Variants in SPATS2L observed in about 807,000 individuals in gnomAD.
SPATS2L encodes the protein spermatogenesis associated serine rich 2 like, also known as SPATS2-like protein.
In SPATS2L, 30 loss-of-function variants were observed where a neutral mutation model predicts 59.6. The ratio of observed to expected loss-of-function variants is 0.50; its 90% CI spans 0.38 to 0.68. The LOEUF is 0.68. SPATS2L is among the 30% of genes least tolerant of loss of function. The probability of loss-of-function intolerance (pLI) is 0.00; values close to 1 mark genes in which losing one functional copy is unlikely to be tolerated. For missense variants in SPATS2L, 615 were observed against 700.0 expected (o/e 0.88, Z 1.37); for synonymous variants, 252 against 263.5 (o/e 0.96, Z 0.42).
rs536699198 is a variant in SPATS2L at position 200,335,602 on chromosome 2, G to C, written c.-23+6122G>C. ...ATAAAGTAACTATCTCTTTGGCCTG[G>C]CTTAGTTCACACCTTGTGTTCACAC... On this transcript the variant is annotated intron_variant, in intron 2 of 12. Transcript: ENST00000409140. 1.5e-4 allele frequency among the ~76,000 whole-genome samples: 23 copies of C among 152,234 alleles called. 2 individuals carry two copies. The South Asian group carries it at 2.5e-3, about 16-fold the overall frequency.
intron 6 of SPATS2L, among the ~76,000 whole-genome samples, chr2:200,419,788 G>A (rs1283375351): frequency 6.7e-6 from 1 of 149,730 alleles, no homozygotes; most frequent in Non-Finnish European, 1.5e-5. Context: ...GCTCACTGCA[G>A]CTGCAGTCTT....
rs1357567058 is a variant in SPATS2L at position 200,477,709 on chromosome 2, C to T, written c.1355C>T (p.Ser452Leu). ...AACAGGCTAAATGGGCCTGCCAAGT[C>T]GCAGGGCAGTGGGAATGAAGCCGAG... ...HNNRLNGPAKSQGSGNEAEPL... is the reference protein window; with the variant it reads ...HNNRLNGPAKLQGSGNEAEPL... Residue 452 changes from serine (S) to leucine (L), a missense_variant, in exon 13 of 13, where the codon TCG becomes TTG. Physicochemically the swap from Ser to Leu is moderately radical, Grantham distance 145 (BLOSUM62 -2). Transcript: ENST00000409140. 4 of 1,564,678 alleles carry T rather than the reference C, an allele frequency of 2.6e-6. No individual in the cohort carries two copies. The highest frequency in any genetic ancestry group is 1.9e-5 in the Admixed American group (1 of 52,444).
chr2:200,352,943 C>G (rs2080791819), intron 2 of SPATS2L, among the ~76,000 whole-genome samples: 1 of 152,124 alleles, frequency 6.6e-6, no homozygotes, highest in Non-Finnish European at 1.5e-5. Flanking sequence ...TTCTCAAAGC[C>G]ACATTCCAAT....
At chr2:200,411,969 A>G (rs1316932267) in intron 3 of SPATS2L, among the ~76,000 whole-genome samples, 1 of 152,112 alleles carries the variant, frequency 6.6e-6, no homozygotes, top group Non-Finnish European at 1.5e-5. Context: ...CTGAGACAGA[A>G]AAAGACTTGG....
chr2:200,359,360 A>G (rs2081024084), intron 2 of SPATS2L, among the ~76,000 whole-genome samples: 1 of 152,094 alleles, frequency 6.6e-6, no homozygotes, highest in Non-Finnish European at 1.5e-5. Context: ...TTTTCCATCC[A>G]GCTTGCACCC....
intron 11 of SPATS2L, 98 bp from the exon 12 acceptor site, chr2:200,472,734 C>T (rs1332828347): frequency 2.9e-6 from 3 of 1,040,448 alleles, no homozygotes; most frequent in Non-Finnish European, 4.3e-6. Context: ...TTGTGGAGCT[C>T]CTGGCCAGTT....
At chr2:200,425,493 C>T (rs577429900) in intron 6 of SPATS2L, among the ~76,000 whole-genome samples, 51 of 152,290 alleles carry the variant, frequency 3.3e-4, no homozygotes, top group African/African-American at 1.2e-3. Context: ...GGCCTCATCA[C>T]TTATGAGGTG....
chr2:200,356,659 A>G (rs2080926170), intron 2 of SPATS2L, among the ~76,000 whole-genome samples: 1 of 152,258 alleles, frequency 6.6e-6, no homozygotes, highest in African/African-American at 2.4e-5. Context: ...AATAGGAAAT[A>G]AAAATCTGAG....
Position 200,439,139 on chromosome 2 carries a change from C to T in SPATS2L, c.463C>T (p.Gln155Ter). Reference protein sequence around the residue: ...RGVTEGNRLLQQKLSLDGNPK... With the variant: ...RGVTEGNRLL The stretch of plus-strand genomic sequence containing the variant: ...TCTTACAGAAGGCAACAGACTACTG[C>T]AACAGAAACTATCCTTAGATGGGAA... Residue 155 changes from glutamine to a stop codon, truncating the protein, a stop_gained, in exon 7 of 13, where the codon CAA becomes TAA. Coordinates refer to ENST00000409140, the MANE Select transcript of SPATS2L (RefSeq NM_001100423.2). LOFTEE classifies it high-confidence loss of function. The T allele has an allele frequency of 6.2e-7, 1 of 1,613,514 alleles. No individual in the cohort carries two copies. Among genetic ancestry groups the T allele is most frequent in the Non-Finnish European group, 8.5e-7 (1 of 1,179,564 alleles).
chr2:200,477,747 G>A lies in SPATS2L; in HGVS notation c.1393G>A (p.Gly465Ser). The A allele has an allele frequency of 6.3e-7, 1 of 1,578,352 alleles. No individual in the cohort carries two copies. Among genetic ancestry groups the A allele is most frequent in the Non-Finnish European group, 8.6e-7 (1 of 1,162,210 alleles). ...GAATGAAGCCGAGCCACTGGGAAAG[G>A]GCAACAGCCGCCACGAACACAGAAG... ...SGNEAEPLGK[G>S]NSRHEHRRQP... is the part of the protein sequence containing the mutation. The change falls in exon 13 of 13, where the codon GGC (glycine) becomes AGC (serine). Residue 465 changes from glycine (G) to serine (S), a missense_variant. Gly to Ser is a moderately conservative substitution (Grantham distance 56, BLOSUM62 0). Around this residue, in one of 3 missense-constraint regions of SPATS2L, gnomAD observed 284 missense variants for 280.1 expected, o/e 1.01. Coordinates refer to ENST00000409140, the MANE Select transcript of SPATS2L (RefSeq NM_001100423.2).
chr2:200,401,022 A>G (rs1401662613), intron 3 of SPATS2L, among the ~76,000 whole-genome samples: 2 of 152,196 alleles, frequency 1.3e-5, no homozygotes, highest in Non-Finnish European at 2.9e-5. Flanking sequence ...GTTGATCAGT[A>G]TAGTAGGAAG....
At chr2:200,391,861 C>A (rs867193757) in intron 3 of SPATS2L, among the ~76,000 whole-genome samples, 1 of 152,076 alleles carries the variant, frequency 6.6e-6, no homozygotes, top group Admixed American at 6.5e-5. Context: ...AAAATGACCC[C>A]AAGACACAGA....
At chr2:200,395,094 A>G (rs142779762) in intron 3 of SPATS2L, among the ~76,000 whole-genome samples, 1 of 152,188 alleles carries the variant, frequency 6.6e-6, no homozygotes, top group East Asian at 1.9e-4. Flanking sequence ...AAATTTATAG[A>G]TGATTTCAGT....
At chr2:200,412,126 G>C (rs2082896518) in intron 3 of SPATS2L, among the ~76,000 whole-genome samples, 185 bp from the exon 4 acceptor site, 1 of 152,138 alleles carries the variant, frequency 6.6e-6, no homozygotes, top group Non-Finnish European at 1.5e-5. Flanking sequence ...TGGGTGTCAA[G>C]GTGATTACCA....
At chr2:200,309,992 T>A (rs2079143201) in intron 1 of SPATS2L, among the ~76,000 whole-genome samples, 1 of 152,236 alleles carries the variant, frequency 6.6e-6, no homozygotes, top group South Asian at 2.1e-4. Flanking sequence ...ACAACTTATG[T>A]AATTTTTTAT....
intron 12 of SPATS2L, among the ~76,000 whole-genome samples, chr2:200,474,665 C>G (rs1316863393): frequency 1.3e-5 from 2 of 152,140 alleles, no homozygotes; most frequent in Admixed American, 6.5e-5. Flanking sequence ...AAGAGTTTCC[C>G]TTTTTCATAA....
intron 2 of SPATS2L, among the ~76,000 whole-genome samples, chr2:200,369,535 T>A (rs1454346070): frequency 6.6e-6 from 1 of 151,786 alleles, no homozygotes; most frequent in African/African-American, 2.4e-5. Flanking sequence ...AGAGACAGAA[T>A]CCCATCAGAA....
intron 2 of SPATS2L, among the ~76,000 whole-genome samples, chr2:200,343,364 G>A (rs1243703766): frequency 1.3e-5 from 2 of 152,168 alleles, no homozygotes; most frequent in Non-Finnish European, 2.9e-5. Context: ...TAAGGTGTCT[G>A]TAGTTAACAT....
rs554737583 is a variant in SPATS2L at position 200,370,734 on chromosome 2, A to T, written c.-22-18489A>T. 7.9e-5 allele frequency among the ~76,000 whole-genome samples: 12 copies of T among 152,308 alleles called. No homozygotes were observed. The East Asian group carries it at 1.9e-3, about 24-fold the overall frequency. On this transcript the variant is annotated intron_variant, in intron 2 of 12. Coordinates refer to ENST00000409140, the MANE Select transcript of SPATS2L (RefSeq NM_001100423.2). Reference sequence around the variant, plus strand: ...TGAATGAGTAAACTGCAACACAGAGAGTTTAATTTCCTCAAGGTCACACAG... The same window carrying T: ...TGAATGAGTAAACTGCAACACAGAGTGTTTAATTTCCTCAAGGTCACACAG...
Sources: allele counts gnomAD v4.1 joint callset (sites outside exome capture counted in the v4.1 genomes callset), GRCh38; gene constraint gnomAD v4.1.1; regional missense constraint gnomAD v4.1.1; transcripts MANE v1.5; gene names NCBI Gene and HGNC (gene_info 2026-07-23, HGNC 2026-07-21).